The following PXN variants were observed in gnomAD, a reference collection of about 807,000 sequenced individuals.
The protein encoded by PXN is testicular tissue protein Li 134.
In PXN, 61 loss-of-function variants were observed where a neutral mutation model predicts 103.6. That is an observed-to-expected ratio of 0.59 (90% confidence interval 0.48 to 0.73). The LOEUF (loss-of-function observed/expected upper bound fraction) is 0.73, where lower values mean the gene tolerates loss of function less well. Among genes scored for constraint, PXN ranks in the 30% least tolerant of loss-of-function variants. PXN has a pLI of 0.00. For missense variants in PXN, 1,274 were observed against 1,460.3 expected (o/e 0.87, Z 2.08); for synonymous variants, 562 against 607.8 (o/e 0.92, Z 1.11).
Position 120,222,792 on chromosome 12 carries a change from C to T in PXN, c.494-42G>A, listed in dbSNP as rs1316508030. Reference sequence around the variant, plus strand: ...AAAAAGGCTGCTCAGCCCTTGAGCCCTCCTGGGATCTAGAGGTCAGCAGAT... The same window carrying T: ...AAAAAGGCTGCTCAGCCCTTGAGCCTTCCTGGGATCTAGAGGTCAGCAGAT... On this transcript the variant is annotated intron_variant, in intron 4 of 14. Coordinates refer to ENST00000637617, the MANE Select transcript of PXN (RefSeq NM_001385981.1). The surrounding 1 kb of genome is among the most constrained non-coding windows in gnomAD (Gnocchi z 4.7). 7 of 1,600,766 alleles carry T rather than the reference C, an allele frequency of 4.4e-6. No homozygotes were observed. Among genetic ancestry groups the T allele is most frequent in the Non-Finnish European group, 6.0e-6 (7 of 1,173,300 alleles).
At chr12:120,252,397 C>T (rs1892334321) in intron 1 of PXN, among the ~76,000 whole-genome samples, 1 of 152,126 alleles carries the variant, frequency 6.6e-6, no homozygotes, top group African/African-American at 2.4e-5. Context: ...GGTCAACAGG[C>T]TGGTTAGTTT....
chr12:120,250,307 G>A, intron 1 of PXN: 1 of 540,968 alleles, frequency 1.8e-6, no homozygotes, highest in African/African-American at 2.1e-5. Context: ...CCCAGGGTGG[G>A]TCCCACAGAT....
chr12:120,215,877 A>G lies in PXN; in HGVS notation c.2302-216T>C. On this transcript the variant is annotated intron_variant, in intron 9 of 14. Coordinates refer to ENST00000637617, the MANE Select transcript of PXN (RefSeq NM_001385981.1). This position sits in a 1 kb window ranked among gnomAD's most constrained non-coding sequence, Gnocchi z 4.9. ...GAAGGACAGGGAGGGGAGTCGACCAAAGGCAGAGGAAATGGCAAGGGGAGG... is the reference window on the plus strand; with the variant it reads ...GAAGGACAGGGAGGGGAGTCGACCAGAGGCAGAGGAAATGGCAAGGGGAGG... The G allele has an allele frequency of 7.5e-7, 1 of 1,340,590 alleles. No individual in the cohort carries two copies. The highest frequency in any genetic ancestry group is 2.7e-5 in the East Asian group (1 of 36,384). 83.0% of individuals were successfully genotyped at this position (1,340,590 alleles called of 1,614,324 possible). A position where few individuals can be genotyped will look rare whatever the true frequency, so the allele number is the denominator to read the frequency against.
At chr12:120,255,148 A>C (rs1297809122) in intron 1 of PXN, among the ~76,000 whole-genome samples, 2 of 152,184 alleles carry the variant, frequency 1.3e-5, no homozygotes, top group Admixed American at 1.3e-4. Context: ...CACAGGTTAT[A>C]AAAGAGGTCA....
At chr12:120,245,678 CT>C (rs1251581319) in intron 1 of PXN, among the ~76,000 whole-genome samples, 2 of 149,464 alleles carry the variant, frequency 1.3e-5, no homozygotes, top group Non-Finnish European at 3.0e-5. Flanking sequence ...GTCCCAGCTA[CT>C]TGGGAGGCTG....
intron 1 of PXN, among the ~76,000 whole-genome samples, chr12:120,256,614 A>C (rs1402430758): frequency 1.3e-5 from 2 of 152,148 alleles, no homozygotes; most frequent in African/African-American, 2.4e-5. Flanking sequence ...GCCATCCTTG[A>C]GGATCTGTCT....
chr12:120,219,197 T>A lies in PXN; in HGVS notation c.1716+10A>T, dbSNP rs1192472896. 2 of 1,554,550 alleles carry A rather than the reference T, an allele frequency of 1.3e-6. No individual in the cohort carries two copies. Among genetic ancestry groups the A allele is most frequent in the African/African-American group, 2.7e-5 (2 of 73,776 alleles). On this transcript the variant is annotated intron_variant, in intron 7 of 14. Coordinates refer to ENST00000637617, the MANE Select transcript of PXN (RefSeq NM_001385981.1). The surrounding 1 kb of genome is among the most constrained non-coding windows in gnomAD (Gnocchi z 6.5). Reference sequence around the variant, plus strand: ...GGCCATGCCCAGCAGCCATGCGAGCTGGTGCCTGCCTGGCCAGAGGTGGAA... The same window carrying A: ...GGCCATGCCCAGCAGCCATGCGAGCAGGTGCCTGCCTGGCCAGAGGTGGAA...
In PXN at chr12:120,216,946, C is replaced by A. The variant is rs1276217666; in HGVS notation, c.1887G>T (p.Glu629Asp). 4 of 1,533,130 alleles carry A rather than the reference C, an allele frequency of 2.6e-6. No individual in the cohort carries two copies. Among genetic ancestry groups the A allele is most frequent in the Admixed American group, 3.9e-5 (2 of 50,902 alleles). The allele number at this position is 1,533,130 out of a possible 1,614,324, so 95.0% of individuals were successfully genotyped here. A position where few individuals can be genotyped will look rare whatever the true frequency, so the allele number is the denominator to read the frequency against. ...CAGAGGGCCCCGCCGCCTCCGCCGG[C>A]TCCTCTGCCTCAGGCTGGATGCCCA... is the stretch of plus-strand genomic sequence containing the variant. Reference protein sequence around the residue: ...GRLGIQPEAEEPAEAAGPSAQ... With the variant: ...GRLGIQPEAEDPAEAAGPSAQ... Residue 629 changes from glutamate (E) to aspartate (D), a missense_variant, in exon 8 of 15, where the codon GAG (glutamate) becomes GAT (aspartate). Physicochemically the swap from Glu to Asp is conservative, Grantham distance 45 (BLOSUM62 2). Around this residue, in one of 2 missense-constraint regions of PXN, gnomAD observed 1,178 missense variants for 1,309.0 expected, o/e 0.90. Coordinates refer to ENST00000637617, the MANE Select transcript of PXN (RefSeq NM_001385981.1). The surrounding 1 kb of genome is among the most constrained non-coding windows in gnomAD (Gnocchi z 5.1).
At chr12:120,237,360 TG>T (rs367978082) in intron 1 of PXN, among the ~76,000 whole-genome samples, 47 of 152,268 alleles carry the variant, frequency 3.1e-4, no homozygotes, top group African/African-American at 1.1e-3. Context: ...GGTTTCACCA[TG>T]TTGGCCAGGC....
intron 1 of PXN, among the ~76,000 whole-genome samples, chr12:120,250,942 G>A (rs1173837189): frequency 2.0e-5 from 3 of 152,228 alleles, no homozygotes; most frequent in African/African-American, 7.2e-5. Context: ...AATGGCTCAC[G>A]TCTGTAATCC....
chr12:120,245,467 T>G (rs938233279), intron 1 of PXN, among the ~76,000 whole-genome samples: 2 of 151,496 alleles, frequency 1.3e-5, no homozygotes, highest in Non-Finnish European at 2.9e-5. Context: ...TTTCCTGACA[T>G]TTTTGTTAAC....
Position 120,265,537 on chromosome 12 carries a change from C to T in PXN, c.13+80G>A. ...GCCGCCGAGGGTGGGATCCCGCGGC[C>T]CCTGCCGCTCGCTGGCGCCCTCCTG... On this transcript the variant is annotated intron_variant, in intron 1 of 14. Coordinates refer to ENST00000637617, the MANE Select transcript of PXN (RefSeq NM_001385981.1). This position sits in a 1 kb window ranked among gnomAD's most constrained non-coding sequence, Gnocchi z 5.7. The T allele has an allele frequency of 3.5e-6, 5 of 1,438,370 alleles. No individual in the cohort carries two copies. The highest frequency in any genetic ancestry group is 4.9e-4 in the Middle Eastern group (2 of 4,108). The allele number at this position is 1,438,370 out of a possible 1,614,324, so 89.1% of individuals were successfully genotyped here.
In PXN at chr12:120,213,998, G is replaced by A. The variant is rs749278232; in HGVS notation, c.2831-8C>T. 2 of 1,611,262 alleles carry A rather than the reference G, an allele frequency of 1.2e-6. No homozygotes were observed. Among genetic ancestry groups the A allele is most frequent in the Admixed American group, 1.7e-5 (1 of 59,662 alleles). On this transcript the variant is annotated splice_region_variant and splice_polypyrimidine_tract_variant and intron_variant, in intron 13 of 14. Coordinates refer to ENST00000637617, the MANE Select transcript of PXN (RefSeq NM_001385981.1). This position sits in a 1 kb window ranked among gnomAD's most constrained non-coding sequence, Gnocchi z 4.2. ...CGTCCTTCTCGTGGAACCCTGGGGAGCGGGGGTTTTGGAGGCACAGTTCAT... is the reference window on the plus strand; with the variant it reads ...CGTCCTTCTCGTGGAACCCTGGGGAACGGGGGTTTTGGAGGCACAGTTCAT...
chr12:120,214,153 G>C lies in PXN; in HGVS notation c.2813C>G (p.Ala938Gly), dbSNP rs759893884. The C allele has an allele frequency of 6.4e-7, 1 of 1,552,522 alleles. No individual in the cohort carries two copies. The stretch of plus-strand genomic sequence containing the variant: ...GCCCGTACCTTCGGGACCAAAGAAG[G>C]CTCCACACTGTGCACAGAAGAAGTG... ...PEHFFCAQCG[A>G]FFGPEGFHEK... is the part of the protein sequence containing the mutation. Residue 938 changes from alanine (A) to glycine (G), a missense_variant, in exon 13 of 15, where the codon GCC becomes GGC. Ala to Gly is a moderately conservative substitution (Grantham distance 60). Around this residue, in one of 2 missense-constraint regions of PXN, gnomAD observed 1,178 missense variants for 1,309.0 expected, o/e 0.90. Transcript: ENST00000637617. This position sits in a 1 kb window ranked among gnomAD's most constrained non-coding sequence, Gnocchi z 5.0.
At position 120,253,398 on chromosome 12, in the gene PXN, C is replaced by G. The variant is rs1019348076; in HGVS notation, c.13+12219G>C. On this transcript the variant is annotated intron_variant, in intron 1 of 14. Coordinates refer to ENST00000637617, the MANE Select transcript of PXN (RefSeq NM_001385981.1). ...TGAGACAGGAGAATTGCTTGAACCC[C>G]AGAGGCGGAGGTTGCAGTGAGCTGA... Among the ~76,000 whole-genome samples the G allele has an allele frequency of 4.0e-5, 6 of 151,830 alleles. No homozygotes were observed. In the East Asian group the frequency reaches 1.2e-3, roughly 30 times the overall value.
rs1036751483 is a variant in PXN at position 120,211,255 on chromosome 12, A to G, written c.*1059T>C. ...GCCCAAAAGGGTGCAACACCCTTCAACCAGTTTCAGTGAAGAGCTTGCTGG... is the reference window on the plus strand; with the variant it reads ...GCCCAAAAGGGTGCAACACCCTTCAGCCAGTTTCAGTGAAGAGCTTGCTGG... On this transcript the variant is annotated 3_prime_UTR_variant, in exon 15 of 15. Transcript: ENST00000637617. The G allele has an allele frequency of 6.5e-6, 1 of 152,718 alleles. No individual in the cohort carries two copies. The highest frequency in any genetic ancestry group is 2.4e-5 in the African/African-American group (1 of 41,464). 9.5% of individuals were successfully genotyped at this position (152,718 alleles called of 1,614,324 possible). A position where few individuals can be genotyped will look rare whatever the true frequency, so the allele number is the denominator to read the frequency against.
rs751380464 is a variant in PXN at position 120,216,729 on chromosome 12, C to T, written c.1992+112G>A. The T allele has an allele frequency of 3.8e-6, 6 of 1,593,908 alleles. No homozygotes were observed. Among genetic ancestry groups the T allele is most frequent in the Non-Finnish European group, 4.2e-6 (5 of 1,177,836 alleles). ...TTCCAAAGTCACAGGAGGCAAGAAA[C>T]CCCCACCCTCTCCCCAGATCTCCCC... is the stretch of plus-strand genomic sequence containing the variant. On this transcript the variant is annotated intron_variant, in intron 8 of 14. Coordinates refer to ENST00000637617, the MANE Select transcript of PXN (RefSeq NM_001385981.1). This position sits in a 1 kb window ranked among gnomAD's most constrained non-coding sequence, Gnocchi z 5.1.
chr12:120,233,209 G>A (rs542183626), intron 1 of PXN, among the ~76,000 whole-genome samples: 33 of 152,288 alleles, frequency 2.2e-4, no homozygotes, highest in Admixed American at 3.3e-4. Context: ...TTTGGGGCAT[G>A]CCTCACACTT....
In PXN at chr12:120,214,815, AGG is replaced by A. The variant is rs1882060459; in HGVS notation, c.2748+8_2748+9del. ...GCGGAAGCGGGCGCGGTGCCGGATG[AGG>A]AACTCACATCCAGGATGGGGCCGTT... On this transcript the variant is annotated splice_region_variant and intron_variant, in intron 12 of 14. Transcript: ENST00000637617. This position sits in a 1 kb window ranked among gnomAD's most constrained non-coding sequence, Gnocchi z 5.0. 6.2e-7 allele frequency: 1 copy of A among 1,613,556 alleles called. No homozygotes were observed. Among genetic ancestry groups the A allele is most frequent in the Non-Finnish European group, 8.5e-7 (1 of 1,179,524 alleles).
Sources: allele counts gnomAD v4.1 joint callset (sites outside exome capture counted in the v4.1 genomes callset), GRCh38; gene constraint gnomAD v4.1.1; regional missense constraint gnomAD v4.1.1; non-coding constraint Gnocchi (gnomAD v3.1); transcripts MANE v1.5; gene names NCBI Gene and HGNC (gene_info 2026-07-23, HGNC 2026-07-21).